Variants in PLXNA2 observed in about 807,000 individuals in gnomAD.
PLXNA2 encodes the protein plexin A2, also known as plexin-A2.
Under a neutral mutation model 193.5 loss-of-function variants are expected in PLXNA2, and 91 were observed. The ratio of observed to expected loss-of-function variants is 0.47; its 90% CI spans 0.40 to 0.56. The LOEUF is 0.56. Ranked by LOEUF, PLXNA2 falls within the 20% of genes least tolerant of loss-of-function variation. The pLI is 0.00. For synonymous variants in PLXNA2, 997 were observed against 1,027.3 expected (o/e 0.97, Z 0.56); for missense variants, 1,995 against 2,503.2 (o/e 0.80, Z 4.33).
chr1:208,159,707 T>C (rs1357216169), intron 3 of PLXNA2, among the ~76,000 whole-genome samples: 1 of 152,200 alleles, frequency 6.6e-6, no homozygotes, highest in Non-Finnish European at 1.5e-5. Flanking sequence ...GCCCTCTAAA[T>C]AACCTCAGGA....
At chr1:208,180,021 C>G (rs1046686424) in intron 3 of PLXNA2, among the ~76,000 whole-genome samples, 1 of 152,162 alleles carries the variant, frequency 6.6e-6, no homozygotes. Context: ...TGGCTGCCTC[C>G]TGCCCCGCCC....
intron 26 of PLXNA2, among the ~76,000 whole-genome samples, 183 bp from the exon 27 acceptor site, chr1:208,034,775 C>CAATAAATAAAATAA (rs1293889919): frequency 1.3e-5 from 2 of 152,110 alleles, no homozygotes; most frequent in Non-Finnish European, 2.9e-5. Context: ...CTGCATAACC[C>CAATAAATAAAATAA]AATCAAATAG....
At position 208,051,336 on chromosome 1, in the gene PLXNA2, G is replaced by A; in HGVS notation, c.3081C>T (p.Ala1027=). The A allele has an allele frequency of 6.2e-7, 1 of 1,613,732 alleles. No individual in the cohort carries two copies. Residue 1027 remains alanine (A), a synonymous_variant, in exon 16 of 32, where the codon GCC becomes GCT. Transcript: ENST00000367033. ...CAAACTGCAGGTTGCTATCCACATG[G>A]GCTCGGTCGACACTCACAGAAACAG... ...PVPVSVSVDR[A]HVDSNLQFEY...
At chr1:208,129,124 T>C (rs1008892285) in intron 4 of PLXNA2, among the ~76,000 whole-genome samples, 1 of 152,170 alleles carries the variant, frequency 6.6e-6, no homozygotes. Flanking sequence ...ATGCCTGAAA[T>C]GGGTGCACTA....
intron 2 of PLXNA2, among the ~76,000 whole-genome samples, chr1:208,212,983 T>A (rs1671012642): frequency 1.3e-5 from 2 of 152,224 alleles, no homozygotes; most frequent in African/African-American, 4.8e-5. Context: ...TCCTTTGAGC[T>A]CTAAAAGTCC....
intron 8 of PLXNA2, among the ~76,000 whole-genome samples, chr1:208,095,394 G>A (rs570074969): frequency 2.0e-4 from 31 of 152,318 alleles, no homozygotes; most frequent in Admixed American, 3.3e-4. Flanking sequence ...TTCAGCTGCT[G>A]GAATGGCTGG....
chr1:208,049,256 C>A (rs562426240), intron 17 of PLXNA2, among the ~76,000 whole-genome samples: 1 of 151,984 alleles, frequency 6.6e-6, no homozygotes, highest in Non-Finnish European at 1.5e-5. Context: ...CCTTGCCATA[C>A]CTGAATAACA....
At chr1:208,078,082 T>C (rs899530425) in intron 12 of PLXNA2, among the ~76,000 whole-genome samples, 1 of 152,254 alleles carries the variant, frequency 6.6e-6, no homozygotes, top group South Asian at 2.1e-4. Flanking sequence ...TGAGTTCAAA[T>C]GTTGGCTCTG....
chr1:208,139,122 G>T (rs1276747431), intron 4 of PLXNA2, among the ~76,000 whole-genome samples: 2 of 152,210 alleles, frequency 1.3e-5, no homozygotes, highest in Non-Finnish European at 2.9e-5. Context: ...CCCATCTTTT[G>T]TGCTTTTGGT....
rs1180985192 is a variant in PLXNA2, at chr1:208,149,825, A to ACATT, written c.1372-7366_1372-7363dup. On this transcript the variant is annotated intron_variant, in intron 3 of 31. Transcript: ENST00000367033. The stretch of plus-strand genomic sequence containing the variant: ...CTCTTCCTCCCTCTATCCTGTACAT[A>ACATT]CATTCACACACTCACATACACATAC... Among the ~76,000 whole-genome samples the ACATT allele has an allele frequency of 2.0e-5, 3 of 152,140 alleles. No homozygotes were observed. The South Asian group carries it at 6.2e-4, about 32-fold the overall frequency.
chr1:208,182,720 T>A (rs1480780184), intron 3 of PLXNA2, among the ~76,000 whole-genome samples: 1 of 151,694 alleles, frequency 6.6e-6, no homozygotes, highest in Non-Finnish European at 1.5e-5. Context: ...AGAAAAGGGG[T>A]TTGAAGGGCA....
rs1431939581 is a variant in PLXNA2 at position 208,028,037 on chromosome 1, T to C, written c.5561A>G (p.Tyr1854Cys). 1 of 1,611,672 alleles carries C rather than the reference T, an allele frequency of 6.2e-7. No homozygotes were observed. Among genetic ancestry groups the C allele is most frequent in the Non-Finnish European group, 8.5e-7 (1 of 1,178,912 alleles). Residue 1854 changes from tyrosine to cysteine, a missense_variant, in exon 31 of 32, where the codon TAC (tyrosine) becomes TGC (cysteine). Tyr to Cys is a radical substitution (Grantham distance 194). This residue lies in a region of PLXNA2 where 1,291 missense variants were observed against 1,673.6 expected (regional missense o/e 0.77). Transcript: ENST00000367033. The surrounding 1 kb of genome is among the most constrained non-coding windows in gnomAD (Gnocchi z 4.2). Reference protein sequence around the residue: ...FNMLSALNEIYSYVSKYSEEL... With the variant: ...FNMLSALNEICSYVSKYSEEL... ...CTCACTATACTTGCTGACATAGGAG[T>C]AGATCTCATTGAGGGCACTCAGCAT...
At chr1:208,137,198 C>T (rs1571956727) in intron 4 of PLXNA2, among the ~76,000 whole-genome samples, 1 of 152,320 alleles carries the variant, frequency 6.6e-6, no homozygotes, top group Non-Finnish European at 1.5e-5. Context: ...GTTCCCAAGG[C>T]CCTTTCCAGT....
chr1:208,185,696 C>CAAAAAAAAAAAAAA (rs56384277), intron 3 of PLXNA2, among the ~76,000 whole-genome samples: 3 of 57,234 alleles, frequency 5.2e-5, no homozygotes, highest in African/African-American at 1.4e-4. Context: ...TCTCTGAAAG[C>CAAAAAAAAAAAAAA]AAAAAAAAAA....
rs760415517 is a variant in PLXNA2, at chr1:208,210,316, C to A, written c.1335G>T (p.Val445=). The change falls in exon 3 of 32, where the codon GTG becomes GTT. Residue 445 remains valine (V), a synonymous_variant. Coordinates refer to ENST00000367033, the MANE Select transcript of PLXNA2 (RefSeq NM_025179.4). ...TGCCACTCTTAGTCCCCACAAAAAC[C>A]ACGCTGTAGCCGTTGTAAACGTAGG... is the stretch of plus-strand genomic sequence containing the variant. ...VASYVYNGYS[V]VFVGTKSGKL... The A allele has an allele frequency of 6.2e-7, 1 of 1,613,950 alleles. No homozygotes were observed. The highest frequency in any genetic ancestry group is 8.5e-7 in the Non-Finnish European group (1 of 1,180,024).
intron 4 of PLXNA2, among the ~76,000 whole-genome samples, chr1:208,135,818 T>C (rs1451510700): frequency 1.3e-5 from 2 of 152,170 alleles, no homozygotes; most frequent in African/African-American, 4.8e-5. Flanking sequence ...ATGTTCTTAA[T>C]GTGTGTTCAT....
chr1:208,087,808 T>C (rs534062039), intron 9 of PLXNA2, among the ~76,000 whole-genome samples: 12 of 152,024 alleles, frequency 7.9e-5, no homozygotes, highest in Non-Finnish European at 1.3e-4. Context: ...CCCCAAACAA[T>C]TGCCAAGTTG....
Position 208,028,860 on chromosome 1 carries a change from T to C in PLXNA2, c.5408A>G (p.Asp1803Gly), listed in dbSNP as rs1664417721. ...CACCCAGCTCTTGTAGCTGGGGATG[T>C]CCTTGGCATAGAGCAGCTTGTTGGA... ...SPSNKLLYAK[D>G]IPSYKSWVER... Residue 1803 changes from aspartate to glycine, a missense_variant, in exon 30 of 32, where the codon GAC becomes GGC. By Grantham distance (94) the Asp-to-Gly change is moderately conservative. This residue lies in a region of PLXNA2 where 1,291 missense variants were observed against 1,673.6 expected (regional missense o/e 0.77). Transcript: ENST00000367033. The surrounding 1 kb of genome is among the most constrained non-coding windows in gnomAD (Gnocchi z 4.2). 1 of 1,613,982 alleles carries C rather than the reference T, an allele frequency of 6.2e-7. No homozygotes were observed. Among genetic ancestry groups the C allele is most frequent in the Admixed American group, 1.7e-5 (1 of 60,000 alleles).
chr1:208,214,330 G>T (rs560278219), intron 2 of PLXNA2, among the ~76,000 whole-genome samples: 39 of 152,292 alleles, frequency 2.6e-4, no homozygotes, highest in South Asian at 6.2e-4. Flanking sequence ...ACCATGAAAA[G>T]AAGACAATAT....
Sources: allele counts gnomAD v4.1 joint callset (sites outside exome capture counted in the v4.1 genomes callset), GRCh38; gene constraint gnomAD v4.1.1; regional missense constraint gnomAD v4.1.1; non-coding constraint Gnocchi (gnomAD v3.1); transcripts MANE v1.5; gene names NCBI Gene and HGNC (gene_info 2026-07-23, HGNC 2026-07-21).